Variants in AGMO observed in about 807,000 individuals in gnomAD.
AGMO encodes alkylglycerol monooxygenase.
AGMO carries 75 observed loss-of-function variants against 60.2 expected under a neutral mutation model. The observed-to-expected ratio is 1.25, with a 90% CI of 1.03 to 1.51. The LOEUF (loss-of-function observed/expected upper bound fraction) is 1.51. Ranked by LOEUF, AGMO falls within the 40% of genes most tolerant of loss-of-function variation. The pLI, the probability that AGMO is intolerant of heterozygous loss-of-function variation, is 0.00. For synonymous variants in AGMO, 261 were observed against 177.1 expected, an observed-to-expected ratio of 1.47 and a Z score of -3.76; for missense variants, 763 against 525.5, an observed-to-expected ratio of 1.45 and a Z score of -4.42.
At chr7:15,141,509 C>G in the AGMO span, among the ~76,000 whole-genome samples, 3 of 152,180 alleles carry the variant, frequency 2.0e-5, no homozygotes, top group East Asian at 5.8e-4. Flanking sequence ...TTGCTTGAAC[C>G]CGGGAGGCAG....
Position 15,315,699 on chromosome 7 carries a change from T to A in AGMO, c.1263+49815A>T, listed in dbSNP as rs140907019. On this transcript the variant is annotated intron_variant, in intron 12 of 12. Transcript: ENST00000342526. ...GTTCTAGTTCTAAAATTAATAGACA[T>A]CTACATACATGAGAGATATAAATGA... Among the ~76,000 whole-genome samples the A allele has an allele frequency of 5.7e-3, 861 of 152,208 alleles. 5 individuals are homozygous for A. The highest frequency in any genetic ancestry group is 0.019 in the African/African-American group (785 of 41,558).
chr7:15,544,908 G>C lies in AGMO; in HGVS notation c.273C>G (p.Ser91Arg), dbSNP rs1186087285. The C allele has an allele frequency of 6.5e-7, 1 of 1,547,744 alleles. No homozygotes were observed. Among genetic ancestry groups the C allele is most frequent in the Non-Finnish European group, 8.7e-7 (1 of 1,146,858 alleles). ...TATAAATATAACTGGTCAGTTCAAT[G>C]CTCCTGAAAAATAGACTGGAAGATA... ...LSRLPSLFFRSIELTSYIYIW... is the reference protein window; with the variant it reads ...LSRLPSLFFRRIELTSYIYIW... The change falls in exon 3 of 13, where the codon AGC becomes AGG. Residue 91 changes from serine (S) to arginine (R), a missense_variant. By Grantham distance (110) the Ser-to-Arg change is moderately radical (BLOSUM62 -1). Coordinates refer to ENST00000342526, the MANE Select transcript of AGMO (RefSeq NM_001004320.2).
At chr7:15,398,350 T>G (rs548570577) in intron 5 of AGMO, among the ~76,000 whole-genome samples, 1 of 152,104 alleles carries the variant, frequency 6.6e-6, no homozygotes, top group Non-Finnish European at 1.5e-5. Flanking sequence ...GATAACAATA[T>G]TGAAAGTTCG....
chr7:15,215,548 C>A (rs946850043), intron 12 of AGMO, among the ~76,000 whole-genome samples: 1 of 151,866 alleles, frequency 6.6e-6, no homozygotes, highest in Non-Finnish European at 1.5e-5. Flanking sequence ...TTTATAGAGA[C>A]TGCAAAATGA....
chr7:15,137,145 G>A, the AGMO span, among the ~76,000 whole-genome samples: 1 of 152,134 alleles, frequency 6.6e-6, no homozygotes, highest in South Asian at 2.1e-4. Flanking sequence ...GAATTTGAAA[G>A]CCTTCTTCTA....
downstream of AGMO, among the ~76,000 whole-genome samples, chr7:15,197,328 T>C (rs1781145864): frequency 1.3e-5 from 2 of 152,162 alleles, no homozygotes; most frequent in African/African-American, 2.4e-5. Context: ...AATGATTCTA[T>C]TGCAGATTCC....
the AGMO span, among the ~76,000 whole-genome samples, chr7:15,192,313 CAA>C: frequency 6.6e-6 from 1 of 151,708 alleles, no homozygotes; most frequent in South Asian, 2.1e-4. Flanking sequence ...GCTCCACAAG[CAA>C]AAGAGTGGAA....
chr7:15,521,096 A>G (rs1487005945), intron 3 of AGMO, among the ~76,000 whole-genome samples: 1 of 152,188 alleles, frequency 6.6e-6, no homozygotes, highest in Admixed American at 6.5e-5. Flanking sequence ...GAAAATCTAG[A>G]AGAAATGGAC....
intron 12 of AGMO, among the ~76,000 whole-genome samples, chr7:15,356,264 T>A (rs972224532): frequency 1.3e-5 from 2 of 152,004 alleles, no homozygotes; most frequent in Non-Finnish European, 2.9e-5. Flanking sequence ...GAATTTTTAT[T>A]GCAGCATTGC....
At chr7:15,552,384 A>T (rs1006571150) in intron 2 of AGMO, among the ~76,000 whole-genome samples, 1 of 152,198 alleles carries the variant, frequency 6.6e-6, no homozygotes, top group South Asian at 2.1e-4. Context: ...TGAACAGGCA[A>T]CCTACAAAAT....
intron 12 of AGMO, among the ~76,000 whole-genome samples, chr7:15,268,775 T>C (rs1448986273): frequency 6.6e-6 from 1 of 151,922 alleles, no homozygotes; most frequent in African/African-American, 2.4e-5. Flanking sequence ...GGGGATAATG[T>C]AGGCATTTGG....
intron 12 of AGMO, among the ~76,000 whole-genome samples, chr7:15,215,967 T>C (rs896556202): frequency 6.6e-6 from 1 of 152,094 alleles, no homozygotes; most frequent in African/African-American, 2.4e-5. Flanking sequence ...TTTATTTCAC[T>C]GAAATACCAC....
chr7:15,123,845 T>C, the AGMO span, among the ~76,000 whole-genome samples: 2 of 152,208 alleles, frequency 1.3e-5, no homozygotes, highest in South Asian at 4.1e-4. Context: ...ACATAAAAAC[T>C]GACATGAGCA....
At chr7:15,373,605 C>T (rs551180607) in intron 10 of AGMO, among the ~76,000 whole-genome samples, 1 of 152,208 alleles carries the variant, frequency 6.6e-6, no homozygotes, top group Non-Finnish European at 1.5e-5. Context: ...GTCAATACAA[C>T]CTCCTCTCAC....
rs532810077 is a variant in AGMO, at chr7:15,545,236, G to A, written c.258-313C>T. ...TCATGGAACCCATACAACATAAATA[G>A]GACAAGACTAAAACTTAATTTCTGT... On this transcript the variant is annotated intron_variant, in intron 2 of 12. Coordinates refer to ENST00000342526, the MANE Select transcript of AGMO (RefSeq NM_001004320.2). Among the ~76,000 whole-genome samples, 42 of 152,022 alleles carry A rather than the reference G, an allele frequency of 2.8e-4. 1 individual carries two copies. The South Asian group carries it at 8.5e-3, about 31-fold the overall frequency.
At chr7:15,438,183 A>G (rs1781453264) in intron 3 of AGMO, among the ~76,000 whole-genome samples, 3 of 152,062 alleles carry the variant, frequency 2.0e-5, no homozygotes, top group African/African-American at 4.8e-5. Flanking sequence ...TCGAAAAGCA[A>G]GAACTAATGT....
At chr7:15,327,565 G>C (rs1781377979) in intron 12 of AGMO, among the ~76,000 whole-genome samples, 1 of 150,984 alleles carries the variant, frequency 6.6e-6, no homozygotes, top group African/African-American at 2.4e-5. Flanking sequence ...AAATTTAGGA[G>C]TTTAATGAGA....
chr7:15,144,406 TA>T, the AGMO span, among the ~76,000 whole-genome samples: 5 of 152,118 alleles, frequency 3.3e-5, no homozygotes, highest in African/African-American at 1.2e-4. Flanking sequence ...ACTGAAAAAT[TA>T]AAAAATAGTA....
chr7:15,169,175 G>C, the AGMO span, among the ~76,000 whole-genome samples: 1 of 152,314 alleles, frequency 6.6e-6, no homozygotes, highest in Non-Finnish European at 1.5e-5. Flanking sequence ...CTTTAGGTCA[G>C]GGGTTGGCAA....
Sources: allele counts gnomAD v4.1 joint callset (sites outside exome capture counted in the v4.1 genomes callset), GRCh38; gene constraint gnomAD v4.1.1; transcripts MANE v1.5; gene names NCBI Gene and HGNC (gene_info 2026-07-23, HGNC 2026-07-21).